GCNT1: variants seen among roughly 807,000 people sequenced by gnomAD.
GCNT1 encodes beta-1,3-galactosyl-O-glycosyl-glycoprotein beta-1,6-N-acetylglucosaminyltransferase.
GCNT1 carries 16 observed loss-of-function variants against 26.2 expected under a neutral mutation model. The observed-to-expected ratio is 0.61, with a 90% CI of 0.41 to 0.93. The LOEUF (loss-of-function observed/expected upper bound fraction) is 0.93, where lower values mean the gene tolerates loss of function less well. GCNT1 is among the 40% of genes least tolerant of loss of function. The pLI is 0.00. For synonymous variants in GCNT1, 183 were observed against 190.8 expected (o/e 0.96, Z 0.34); for missense variants, 477 against 526.7 (o/e 0.91, Z 0.92).
intron 2 of GCNT1, among the ~76,000 whole-genome samples, chr9:76,485,606 T>C (rs1410502071): frequency 6.6e-6 from 1 of 152,226 alleles, no homozygotes; most frequent in East Asian, 1.9e-4. Flanking sequence ...GTTTACTTGC[T>C]TTAATTAAGG....
At chr9:76,431,641 A>G (rs1239230802) in intron 1 of GCNT1, among the ~76,000 whole-genome samples, 3 of 152,098 alleles carry the variant, frequency 2.0e-5, no homozygotes, top group African/African-American at 7.2e-5. Flanking sequence ...TGTCCACTTG[A>G]TTGAACTCAA....
chr9:76,425,149 A>C lies in GCNT1; in HGVS notation n.38+5262A>C, dbSNP rs865832568. Among the ~76,000 whole-genome samples the C allele has an allele frequency of 2.5e-3, 372 of 151,792 alleles. 4 individuals are homozygous for C. The highest frequency in any genetic ancestry group is 8.7e-3 in the African/African-American group (359 of 41,408). On this transcript the variant is annotated intron_variant and non_coding_transcript_variant, in intron 1 of 3. Transcript: ENST00000488136. ...ACGAAACTCCGTCTAAAAAAAAAAA[A>C]AAAAAAAAAAAGACATTGAACCATC...
At chr9:76,431,444 A>C (rs913108721) in intron 1 of GCNT1, among the ~76,000 whole-genome samples, 4 of 152,196 alleles carry the variant, frequency 2.6e-5, no homozygotes, top group African/African-American at 9.7e-5. Flanking sequence ...TAATTTTATT[A>C]TAAAAGTTAC....
chr9:76,487,736 A>G (rs571941394), intron 2 of GCNT1, among the ~76,000 whole-genome samples: 1 of 151,992 alleles, frequency 6.6e-6, no homozygotes, highest in African/African-American at 2.4e-5. Flanking sequence ...TTGGTTAATA[A>G]TGCATACATA....
chr9:76,488,674 AG>A (rs1824647698), intron 2 of GCNT1, among the ~76,000 whole-genome samples: 1 of 152,102 alleles, frequency 6.6e-6, no homozygotes, highest in Non-Finnish European at 1.5e-5. Context: ...TAGTAGAAAC[AG>A]GGTTTCATCA....
rs546963595 is a variant in GCNT1, at chr9:76,423,384, G to C, written n.38+3497G>C. Among the ~76,000 whole-genome samples, 129 of 152,332 alleles carry C rather than the reference G, an allele frequency of 8.5e-4. 1 individual carries two copies. Among genetic ancestry groups the C allele is most frequent in the Admixed American group, 1.7e-3 (26 of 15,298 alleles). ...TGTGAGCTCATTCTCCTGCTCTCTT[G>C]CACCCTCCCTTTGCCTTTCCCCCAT... is the stretch of plus-strand genomic sequence containing the variant. On this transcript the variant is annotated intron_variant and non_coding_transcript_variant, in intron 1 of 3. Coordinates refer to the GCNT1 transcript ENST00000488136.
intron 3 of GCNT1, among the ~76,000 whole-genome samples, chr9:76,501,402 G>A (rs941221002): frequency 3.3e-5 from 5 of 152,298 alleles, no homozygotes; most frequent in African/African-American, 9.6e-5. Flanking sequence ...GAATATAGAT[G>A]AAGGTCTGTC....
intron 2 of GCNT1, among the ~76,000 whole-genome samples, chr9:76,486,546 C>T (rs1824581159): frequency 6.6e-6 from 1 of 152,176 alleles, no homozygotes; most frequent in Non-Finnish European, 1.5e-5. Context: ...TCCCCATAGC[C>T]TGCTTTAGGA....
rs1825228705 is a variant in GCNT1 at position 76,506,004 on chromosome 9, T to G, written c.*2336T>G. ...CTATCCCTAATGCCTGCGGCAGAAT[T>G]TATATACGATCCATTCATTGGGGCT... On this transcript the variant is annotated 3_prime_UTR_variant, in exon 4 of 4. Transcript: ENST00000376730. The G allele has an allele frequency of 6.0e-6, 1 of 167,044 alleles. No homozygotes were observed. Among genetic ancestry groups the G allele is most frequent in the South Asian group, 2.1e-4 (1 of 4,830 alleles). The allele number at this position is 167,044 out of a possible 1,614,324, so 10.3% of individuals were successfully genotyped here. A position where few individuals can be genotyped will look rare whatever the true frequency, so the allele number is the denominator to read the frequency against.
In GCNT1 at chr9:76,503,924, C is replaced by G. The variant is rs1825164461; in HGVS notation, c.*256C>G. On this transcript the variant is annotated 3_prime_UTR_variant, in exon 4 of 4. Coordinates refer to ENST00000376730, the MANE Select transcript of GCNT1 (RefSeq NM_001490.5). Reference sequence around the variant, plus strand: ...CTTGAGGCCAGAGCAGGTAGCAAGGCATTGTGGAAAGAGGGGACCAGGGTG... The same window carrying G: ...CTTGAGGCCAGAGCAGGTAGCAAGGGATTGTGGAAAGAGGGGACCAGGGTG... 2 of 482,746 alleles carry G rather than the reference C, an allele frequency of 4.1e-6. No homozygotes were observed. The highest frequency in any genetic ancestry group is 7.8e-6 in the Non-Finnish European group (2 of 256,024). The allele number at this position is 482,746 out of a possible 1,614,324, so 29.9% of individuals were successfully genotyped here. A position where few individuals can be genotyped will look rare whatever the true frequency, so the allele number is the denominator to read the frequency against.
At chr9:76,433,735 G>A (rs185821919) in intron 1 of GCNT1, among the ~76,000 whole-genome samples, 70 of 152,304 alleles carry the variant, frequency 4.6e-4, no homozygotes, top group South Asian at 2.3e-3. Flanking sequence ...GGGTATCACC[G>A]GCTGGAGGTT....
At chr9:76,473,971 T>C (rs1280612458) in intron 2 of GCNT1, among the ~76,000 whole-genome samples, 2 of 152,136 alleles carry the variant, frequency 1.3e-5, no homozygotes, top group Non-Finnish European at 2.9e-5. Context: ...TGGTGGCATG[T>C]GCCTGTACTC....
At chr9:76,489,254 T>C (rs55763121) in intron 2 of GCNT1, among the ~76,000 whole-genome samples, 12,548 of 152,278 alleles carry the variant, frequency 0.082, 575 homozygotes, top group Middle Eastern at 0.17. Context: ...AGTATTTCTT[T>C]TGCCAAACTT....
intron 1 of GCNT1, among the ~76,000 whole-genome samples, chr9:76,426,424 C>T (rs1286766793): frequency 6.6e-6 from 1 of 152,014 alleles, no homozygotes; most frequent in African/African-American, 2.4e-5. Flanking sequence ...AAAAATTAGG[C>T]AGGCATGGTG....
In GCNT1 at chr9:76,459,323, G is replaced by C. The variant is rs1320708972; in HGVS notation, c.-408+18G>C. 1 of 152,418 alleles carries C rather than the reference G, an allele frequency of 6.6e-6. No homozygotes were observed. The highest frequency in any genetic ancestry group is 1.5e-5 in the Non-Finnish European group (1 of 68,204). The allele number at this position is 152,418 out of a possible 1,614,324, so 9.4% of individuals were successfully genotyped here. A position where few individuals can be genotyped will look rare whatever the true frequency, so the allele number is the denominator to read the frequency against. The stretch of plus-strand genomic sequence containing the variant: ...CACTCCAGGTAACCGGCTCTCCCTC[G>C]TGTTCCCCTGCTCGGCCGCCCGGCG... On this transcript the variant is annotated intron_variant, in intron 1 of 3. Transcript: ENST00000376730.
upstream of GCNT1, among the ~76,000 whole-genome samples, chr9:76,455,519 GGA>G (rs1823743383): frequency 6.6e-6 from 1 of 152,124 alleles, no homozygotes; most frequent in African/African-American, 2.4e-5. Context: ...AATACAGCCG[GGA>G]GAGGATGTTC....
upstream of GCNT1, among the ~76,000 whole-genome samples, chr9:76,437,002 A>T (rs921657116): frequency 1.3e-5 from 2 of 152,132 alleles, no homozygotes; most frequent in African/African-American, 4.8e-5. Context: ...AGATATACCT[A>T]ATGTAAATGA....
At chr9:76,449,866 C>T (rs1292138972) in intron 1 of GCNT1, among the ~76,000 whole-genome samples, 1 of 151,428 alleles carries the variant, frequency 6.6e-6, no homozygotes, top group African/African-American at 2.4e-5. Context: ...TCACTGCAAC[C>T]TCTGCCTCCT....
At chr9:76,429,828 C>T (rs1823310862) in intron 1 of GCNT1, among the ~76,000 whole-genome samples, 1 of 151,830 alleles carries the variant, frequency 6.6e-6, no homozygotes, top group East Asian at 1.9e-4. Flanking sequence ...CATCCTCCTG[C>T]CTCAGCCTCC....
Sources: gnomAD v4.1 joint callset for allele counts (sites outside exome capture counted in the v4.1 genomes callset) on GRCh38, gnomAD v4.1.1 for gene constraint, MANE v1.5 for transcripts, NCBI Gene and HGNC (gene_info 2026-07-23, HGNC 2026-07-21) for gene names.